Variants in PCNX2 observed in about 807,000 individuals in gnomAD.
The protein encoded by PCNX2 is pecanex 2, also known as pecanex-like protein 2.
In PCNX2, 168 loss-of-function variants were observed where a neutral mutation model predicts 223.8. The ratio of observed to expected loss-of-function variants is 0.75; its 90% CI spans 0.66 to 0.85. The LOEUF is 0.85. PCNX2 is among the 40% of genes least tolerant of loss of function. The pLI, the probability that PCNX2 is intolerant of heterozygous loss-of-function variation, is 0.00. For missense variants in PCNX2, 2,507 were observed against 2,675.5 expected (o/e 0.94, Z 1.39); for synonymous variants, 1,006 against 1,052.6 (o/e 0.96, Z 0.86).
chr1:233,161,447 A>C, intron 17 of PCNX2, 84 bp from the exon 18 acceptor site: 1 of 1,170,728 alleles, frequency 8.5e-7, no homozygotes. Context: ...GCAGCAGGAC[A>C]TTGACCCAAG....
intron 1 of PCNX2, among the ~76,000 whole-genome samples, chr1:233,270,985 T>A (rs1660611888): frequency 6.6e-6 from 1 of 152,242 alleles, no homozygotes; most frequent in Non-Finnish European, 1.5e-5. Context: ...ATAGAGAATA[T>A]TGAATGGATA....
At chr1:233,289,383 C>T (rs1272079646) in intron 1 of PCNX2, 51 of 1,327,380 alleles carry the variant, frequency 3.8e-5, no homozygotes, top group Non-Finnish European at 5.2e-5. Context: ...CTGGGAGATG[C>T]GGGACTCGAA....
intron 1 of PCNX2, among the ~76,000 whole-genome samples, chr1:233,292,202 CTTTTTTTTTTTT>C (rs963996089): frequency 7.3e-5 from 8 of 109,492 alleles, no homozygotes; most frequent in African/African-American, 2.4e-4. Context: ...TTCTTTCTTT[CTTTTTTTTTTTT>C]TTTTTTTTTT....
At chr1:233,294,358 G>C (rs541483196) in intron 1 of PCNX2, among the ~76,000 whole-genome samples, 2 of 152,170 alleles carry the variant, frequency 1.3e-5, no homozygotes, top group African/African-American at 4.8e-5. Flanking sequence ...GTAACCAGTA[G>C]ACCCAAAATT....
chr1:233,135,231 G>A (rs1676736293), intron 20 of PCNX2, 41 bp from the exon 21 acceptor site: 10 of 1,559,272 alleles, frequency 6.4e-6, no homozygotes, highest in Non-Finnish European at 8.8e-6. Context: ...ATGACAGTGT[G>A]CACACTGCTG....
At chr1:233,314,306 A>G in the PCNX2 span, among the ~76,000 whole-genome samples, 2 of 152,168 alleles carry the variant, frequency 1.3e-5, no homozygotes, top group Non-Finnish European at 2.9e-5. Flanking sequence ...TACAAATTAA[A>G]TTCTTAAGCA....
At chr1:233,153,079 C>T (rs1218504326) in intron 19 of PCNX2, among the ~76,000 whole-genome samples, 6 of 152,206 alleles carry the variant, frequency 3.9e-5, no homozygotes, top group East Asian at 3.9e-4. Context: ...AAACAAAAGA[C>T]GAAGAGTCAA....
chr1:233,282,045 C>T (rs1328487146), intron 1 of PCNX2, among the ~76,000 whole-genome samples: 1 of 152,190 alleles, frequency 6.6e-6, no homozygotes, highest in Non-Finnish European at 1.5e-5. Context: ...CCCATTGCCT[C>T]TTAAACCCAC....
chr1:233,047,643 A>T (rs746523086), intron 25 of PCNX2, among the ~76,000 whole-genome samples: 5 of 152,204 alleles, frequency 3.3e-5, no homozygotes, highest in Non-Finnish European at 7.3e-5. Context: ...TGTTCAATTC[A>T]ACAAGACTTA....
At position 233,189,428 on chromosome 1, in the gene PCNX2, A is replaced by C. The variant is rs113297004; in HGVS notation, c.3066+9511T>G. 6.6e-4 allele frequency among the ~76,000 whole-genome samples: 101 copies of C among 152,328 alleles called. 1 individual carries two copies. The highest frequency in any genetic ancestry group is 2.4e-3 in the African/African-American group (101 of 41,572). On this transcript the variant is annotated intron_variant, in intron 15 of 33. Coordinates refer to ENST00000258229, the MANE Select transcript of PCNX2 (RefSeq NM_014801.4). The stretch of plus-strand genomic sequence containing the variant: ...TGAGGATGGCACAAAAGGAAGACTG[A>C]AAAGACACAGATCTGGGACGTGGGG...
chr1:233,167,298 G>A (rs1305895557), intron 17 of PCNX2, among the ~76,000 whole-genome samples: 4 of 152,068 alleles, frequency 2.6e-5, no homozygotes, highest in Non-Finnish European at 1.5e-5. Flanking sequence ...GACACAGAAA[G>A]ACAAATACTG....
At chr1:233,027,692 T>C (rs956656448) in intron 25 of PCNX2, among the ~76,000 whole-genome samples, 2 of 152,218 alleles carry the variant, frequency 1.3e-5, no homozygotes, top group African/African-American at 4.8e-5. Context: ...ATTTTAAGCA[T>C]TGTGGGCCAC....
chr1:233,216,407 T>C (rs567888176), intron 12 of PCNX2, among the ~76,000 whole-genome samples: 9 of 152,266 alleles, frequency 5.9e-5, no homozygotes, highest in Middle Eastern at 3.4e-3. Context: ...AAAGTAACAA[T>C]ATATGTGAAA....
intron 21 of PCNX2, among the ~76,000 whole-genome samples, chr1:233,101,247 AAT>A (rs1176494138): frequency 1.3e-5 from 2 of 152,210 alleles, no homozygotes; most frequent in African/African-American, 4.8e-5. Flanking sequence ...TTCAAGAAGG[AAT>A]AGAAAAAGTA....
At chr1:233,156,499 A>G (rs1678134033) in intron 19 of PCNX2, among the ~76,000 whole-genome samples, 1 of 152,160 alleles carries the variant, frequency 6.6e-6, no homozygotes, top group South Asian at 2.1e-4. Flanking sequence ...GCTAGCTGAC[A>G]TGGAGCTCAG....
intron 1 of PCNX2, among the ~76,000 whole-genome samples, chr1:233,266,243 C>T (rs1293670303): frequency 3.3e-5 from 5 of 152,178 alleles, no homozygotes; most frequent in Admixed American, 6.5e-5. Flanking sequence ...TGCAGCAGCA[C>T]GTGCCTGTAA....
At chr1:233,229,379 C>A (rs941224158) in intron 9 of PCNX2, among the ~76,000 whole-genome samples, 9 of 152,190 alleles carry the variant, frequency 5.9e-5, no homozygotes, top group African/African-American at 1.7e-4. Flanking sequence ...TATTTCAACA[C>A]AGAAGAGAGC....
At chr1:233,148,179 C>T (rs1248833746) in intron 19 of PCNX2, among the ~76,000 whole-genome samples, 1 of 152,212 alleles carries the variant, frequency 6.6e-6, no homozygotes, top group African/African-American at 2.4e-5. Context: ...TATGAGCACA[C>T]ACCAGCAAGC....
Position 233,017,000 on chromosome 1 carries a change from C to T in PCNX2, c.4760G>A (p.Cys1587Tyr). 5 of 1,613,948 alleles carry T rather than the reference C, an allele frequency of 3.1e-6. No homozygotes were observed. The highest frequency in any genetic ancestry group is 4.2e-6 in the Non-Finnish European group (5 of 1,179,870). The change falls in exon 27 of 34, where the codon TGT (cysteine) becomes TAT (tyrosine). Residue 1587 changes from cysteine to tyrosine, a missense_variant. Physicochemically the swap from Cys to Tyr is radical, Grantham distance 194. Coordinates refer to ENST00000258229, the MANE Select transcript of PCNX2 (RefSeq NM_014801.4). The part of the protein sequence containing the change: ...NINIDDDYVP[C>Y]LQGITRASFC... ...GCTAGCTCGTGTGATCCCCTGGAGA[C>T]ACGGGACGTAGTCATCATCAATGTT...
Sources: allele counts gnomAD v4.1 joint callset (sites outside exome capture counted in the v4.1 genomes callset), GRCh38; gene constraint gnomAD v4.1.1; transcripts MANE v1.5; gene names NCBI Gene and HGNC (gene_info 2026-07-23, HGNC 2026-07-21).